Variants in STIL observed in about 807,000 individuals in gnomAD.
STIL encodes SCL-interrupting locus protein.
Under a neutral mutation model 110.1 loss-of-function variants are expected in STIL, and 55 were observed. That is an observed-to-expected ratio of 0.50 (90% CI 0.40 to 0.63). The LOEUF (loss-of-function observed/expected upper bound fraction) is 0.63. Among genes scored for constraint, STIL ranks in the 20% least tolerant of loss-of-function variants. The probability of loss-of-function intolerance (pLI) is 0.00; values close to 1 mark genes in which losing one functional copy is unlikely to be tolerated. For synonymous variants in STIL, 481 were observed against 530.0 expected (o/e 0.91, Z 1.27); for missense variants, 1,358 against 1,530.0 (o/e 0.89, Z 1.87).
intron 2 of STIL, among the ~76,000 whole-genome samples, chr1:47,305,642 G>A (rs114870632): frequency 0.047 from 7,087 of 150,078 alleles, 553 homozygotes; most frequent in African/African-American, 0.16. Flanking sequence ...TAATCAGGAT[G>A]GTCCTGATCT....
chr1:47,310,427 C>A (rs1646089222), intron 1 of STIL, 65 bp from the exon 2 acceptor site: 7 of 1,031,476 alleles, frequency 6.8e-6, no homozygotes, highest in Admixed American at 2.1e-5. Flanking sequence ...ATGATTTAAC[C>A]ACATATTAAA....
chr1:47,280,454 C>G lies in STIL; in HGVS notation c.2004G>C (p.Gln668His). The G allele has an allele frequency of 6.2e-7, 1 of 1,614,240 alleles. No individual in the cohort carries two copies. The highest frequency in any genetic ancestry group is 8.5e-7 in the Non-Finnish European group (1 of 1,180,042). The change falls in exon 12 of 17, where the codon CAG (glutamine) becomes CAC (histidine). Residue 668 changes from glutamine to histidine, a missense_variant. Gln to His is a conservative substitution (Grantham distance 24). Transcript: ENST00000371877. ...SSSSPIALRP[Q>H]GDMGSCSPHS... ...GGGGAGAACAACTGCCCATATCTCC[C>G]TGAGGTCTCAAGGCTATAGGACTAC...
intron 12 of STIL, among the ~76,000 whole-genome samples, chr1:47,277,892 T>A (rs1236150217): frequency 2.6e-5 from 4 of 152,130 alleles, no homozygotes; most frequent in African/African-American, 9.7e-5. Context: ...CTTATGTATA[T>A]CCCTATTTTG....
rs1200391664 is a variant in STIL, at chr1:47,288,268, TATA to T, written c.1024-611_1024-609del. 3.3e-5 allele frequency among the ~76,000 whole-genome samples: 5 copies of T among 151,958 alleles called. No individual in the cohort carries two copies. In the East Asian group the frequency reaches 9.6e-4, roughly 29 times the overall value. Reference sequence around the variant, plus strand: ...GAAAAGTAGCATTTGAATATTTTCATATAATGACACCTAGTTTCAAAGATCTAC... The same window carrying T: ...GAAAAGTAGCATTTGAATATTTTCATATGACACCTAGTTTCAAAGATCTAC... On this transcript the variant is annotated intron_variant, in intron 9 of 16. Transcript: ENST00000371877.
intron 10 of STIL, 104 bp from the exon 11 acceptor site, chr1:47,282,563 T>C (rs1645182272): frequency 1.4e-6 from 1 of 709,418 alleles, no homozygotes; most frequent in Non-Finnish European, 2.5e-6. Context: ...AGTACTCAGA[T>C]CATTTAATTT....
At position 47,250,897 on chromosome 1, in the gene STIL, A is replaced by G; in HGVS notation, c.*239T>C. 2.0e-6 allele frequency: 1 copy of G among 495,008 alleles called. No homozygotes were observed. The highest frequency in any genetic ancestry group is 3.6e-6 in the Non-Finnish European group (1 of 280,244). The allele number at this position is 495,008 out of a possible 1,614,324, so 30.7% of individuals were successfully genotyped here. On this transcript the variant is annotated 3_prime_UTR_variant, in exon 17 of 17. Transcript: ENST00000371877. ...CTGTCTACTACTTAAACTTGTAGGA[A>G]TAACTGATCTCAGGGCTTTTCTTAA... is the stretch of plus-strand genomic sequence containing the variant.
chr1:47,299,805 T>C, intron 6 of STIL, 100 bp downstream of exon 6: 1 of 1,245,028 alleles, frequency 8.0e-7, no homozygotes, highest in Non-Finnish European at 1.1e-6. Context: ...CCACCATATC[T>C]CTGGCATATA....
Position 47,262,911 on chromosome 1 carries a change from C to A in STIL, c.2821G>T (p.Asp941Tyr). Residue 941 changes from aspartate to tyrosine, a missense_variant, in exon 15 of 17, where the codon GAT (aspartate) becomes TAT (tyrosine). Coordinates refer to ENST00000371877, the MANE Select transcript of STIL (RefSeq NM_001048166.1). ...GCTCTACATTTTCTTACCAATAAAT[C>A]CTGGTAAATTTTCTGGTTATCTGAT... Reference protein sequence around the residue: ...QPSDNQKIYQDLLGQVNHLLN... With the variant: ...QPSDNQKIYQYLLGQVNHLLN... The A allele has an allele frequency of 6.2e-7, 1 of 1,613,840 alleles. No homozygotes were observed. The highest frequency in any genetic ancestry group is 8.5e-7 in the Non-Finnish European group (1 of 1,179,780).
chr1:47,307,867 C>A (rs367696305), intron 2 of STIL, among the ~76,000 whole-genome samples: 1 of 152,192 alleles, frequency 6.6e-6, no homozygotes, highest in African/African-American at 2.4e-5. Flanking sequence ...AACTGGCCCC[C>A]CCGGGGCGTA....
Position 47,272,166 on chromosome 1 carries a change from C to T in STIL, c.2293G>A (p.Ala765Thr). 2 of 1,614,152 alleles carry T rather than the reference C, an allele frequency of 1.2e-6. No homozygotes were observed. The highest frequency in any genetic ancestry group is 2.2e-5 in the South Asian group (2 of 91,088). The part of the protein sequence containing the change: ...KTTAVEDTVQ[A>T]GRQMELVSVE... Reference sequence around the variant, plus strand: ...GAAACCAACTCCATTTGTCTTCCAGCTTGCACTGTGTCTTCAACAGCAGTT... The same window carrying T: ...GAAACCAACTCCATTTGTCTTCCAGTTTGCACTGTGTCTTCAACAGCAGTT... The change falls in exon 13 of 17, where the codon GCT becomes ACT. Residue 765 changes from alanine (A) to threonine (T), a missense_variant. Coordinates refer to ENST00000371877, the MANE Select transcript of STIL (RefSeq NM_001048166.1).
At position 47,287,463 on chromosome 1, in the gene STIL, C is replaced by T. The variant is rs976507586; in HGVS notation, c.1133+88G>A. On this transcript the variant is annotated intron_variant, in intron 10 of 16. Coordinates refer to ENST00000371877, the MANE Select transcript of STIL (RefSeq NM_001048166.1). ...CATAAGATTTAAAAAATCATTTCAT[C>T]AGAAATAATTTAGTTATTTTACTCA... 43 of 826,002 alleles carry T rather than the reference C, an allele frequency of 5.2e-5. No homozygotes were observed. The African/African-American group carries it at 6.1e-4, about 12-fold the overall frequency. The allele number at this position is 826,002 out of a possible 1,614,324, so 51.2% of individuals were successfully genotyped here.
chr1:47,305,284 C>G, intron 2 of STIL: 1 of 299,012 alleles, frequency 3.3e-6, no homozygotes, highest in Non-Finnish European at 6.2e-6. Flanking sequence ...CACCACCACA[C>G]CCGGCTACTT....
At position 47,280,368 on chromosome 1, in the gene STIL, G is replaced by A; in HGVS notation, c.2090C>T (p.Pro697Leu). Residue 697 changes from proline (P) to leucine (L), a missense_variant, in exon 12 of 17, where the codon CCA becomes CTA. By Grantham distance (98) the Pro-to-Leu change is moderately conservative. Coordinates refer to ENST00000371877, the MANE Select transcript of STIL (RefSeq NM_001048166.1). Reference protein sequence around the residue: ...RPPSHMDLCNPQPCTVCMHTP... With the variant: ...RPPSHMDLCNLQPCTVCMHTP... ...GTGCATGCACACTGTGCAAGGCTGT[G>A]GGTTACATAAGTCCATATGTGAAGG... The A allele has an allele frequency of 6.2e-7, 1 of 1,614,220 alleles. No individual in the cohort carries two copies. Among genetic ancestry groups the A allele is most frequent in the East Asian group, 2.2e-5 (1 of 44,880 alleles).
At chr1:47,299,713 G>A (rs1645747595) in intron 6 of STIL, 192 bp downstream of exon 6, 3 of 615,220 alleles carry the variant, frequency 4.9e-6, no homozygotes, top group Non-Finnish European at 8.0e-6. Context: ...TTTTTTGTAG[G>A]TGGTGGCACA....
intron 5 of STIL, among the ~76,000 whole-genome samples, chr1:47,301,038 C>A (rs1000608639): frequency 6.6e-6 from 1 of 152,112 alleles, no homozygotes; most frequent in Non-Finnish European, 1.5e-5. Context: ...TTTCAAGAAC[C>A]TTCAATTTCT....
chr1:47,290,039 A>C (rs889128047), intron 8 of STIL, among the ~76,000 whole-genome samples: 37 of 152,304 alleles, frequency 2.4e-4, no homozygotes, highest in African/African-American at 8.9e-4. Flanking sequence ...GTAATTGATA[A>C]TAAAACATAA....
At chr1:47,254,792 C>T (rs1279018257) in intron 16 of STIL, among the ~76,000 whole-genome samples, 2 of 152,202 alleles carry the variant, frequency 1.3e-5, no homozygotes, top group East Asian at 3.8e-4. Flanking sequence ...ATCTTGGCCT[C>T]CCAAAGTGCT....
intron 3 of STIL, among the ~76,000 whole-genome samples, chr1:47,303,257 G>A (rs1257674554): frequency 2.0e-5 from 3 of 151,956 alleles, no homozygotes; most frequent in Non-Finnish European, 2.9e-5. Context: ...ATGGTACACC[G>A]CCACGTTTTA....
Position 47,274,220 on chromosome 1 carries a change from A to G in STIL, c.2218-1979T>C, listed in dbSNP as rs150947825. 2.7e-3 allele frequency among the ~76,000 whole-genome samples: 410 copies of G among 152,374 alleles called. 3 individuals are homozygous for G. The highest frequency in any genetic ancestry group is 9.1e-3 in the African/African-American group (377 of 41,594). On this transcript the variant is annotated intron_variant, in intron 12 of 16. Coordinates refer to ENST00000371877, the MANE Select transcript of STIL (RefSeq NM_001048166.1). ...TAGGAAATGTACAGTAAAAGACATT[A>G]CACACACTCAGGTCCTAAAATTGAT... is the stretch of plus-strand genomic sequence containing the variant.
Sources: allele counts gnomAD v4.1 joint callset (sites outside exome capture counted in the v4.1 genomes callset), GRCh38; gene constraint gnomAD v4.1.1; transcripts MANE v1.5; gene names NCBI Gene and HGNC (gene_info 2026-07-23, HGNC 2026-07-21).